The following AFG2A variants were observed in gnomAD, a reference collection of about 807,000 sequenced individuals.
The protein encoded by AFG2A is ATPase family gene 2 protein homolog A.
the AFG2A span, among the ~76,000 whole-genome samples, chr4:123,254,488 A>T: frequency 6.6e-6 from 1 of 152,124 alleles, no homozygotes; most frequent in Non-Finnish European, 1.5e-5. Flanking sequence ...ATAAGTTTTG[A>T]AGTCAAGTAG....
chr4:123,062,485 G>A, the AFG2A span, among the ~76,000 whole-genome samples: 1 of 151,726 alleles, frequency 6.6e-6, no homozygotes, highest in African/African-American at 2.4e-5. Context: ...CAGTATTTCT[G>A]TTAACATAGT....
the AFG2A span, among the ~76,000 whole-genome samples, chr4:123,113,814 G>A: frequency 6.6e-6 from 1 of 152,132 alleles, no homozygotes; most frequent in Non-Finnish European, 1.5e-5. Context: ...GCAAGACAAA[G>A]AGGAGCTTTA....
the AFG2A span, chr4:122,933,589 G>A: frequency 4.3e-6 from 4 of 919,712 alleles, no homozygotes; most frequent in Middle Eastern, 9.1e-4. Context: ...ATGCATAGTA[G>A]TTTTCTTCAA....
chr4:123,222,521 T>G, the AFG2A span, among the ~76,000 whole-genome samples: 5 of 152,208 alleles, frequency 3.3e-5, no homozygotes, highest in Admixed American at 3.3e-4. Context: ...GAAAATTTTT[T>G]TAGTTATGTT....
chr4:123,281,677 A>C, the AFG2A span, among the ~76,000 whole-genome samples: 1 of 152,226 alleles, frequency 6.6e-6, no homozygotes, highest in East Asian at 1.9e-4. Context: ...AAAACAGAAC[A>C]GAAACCACCA....
At chr4:123,031,609 T>C in the AFG2A span, among the ~76,000 whole-genome samples, 1 of 152,216 alleles carries the variant, frequency 6.6e-6, no homozygotes, top group Non-Finnish European at 1.5e-5. Context: ...ATTTTGAAAG[T>C]GATCAGAAAA....
chr4:123,193,653 A>G, the AFG2A span, among the ~76,000 whole-genome samples: 2 of 152,250 alleles, frequency 1.3e-5, no homozygotes, highest in Non-Finnish European at 2.9e-5. Context: ...ACTAGGTCAG[A>G]GTAAAAGCGA....
chr4:123,031,935 G>T, the AFG2A span, among the ~76,000 whole-genome samples: 2 of 152,090 alleles, frequency 1.3e-5, no homozygotes, highest in Admixed American at 6.5e-5. Context: ...GACATACTGT[G>T]TAAGTTTAGT....
chr4:123,252,796 C>G, the AFG2A span, among the ~76,000 whole-genome samples: 1 of 152,194 alleles, frequency 6.6e-6, no homozygotes, highest in Non-Finnish European at 1.5e-5. Context: ...CCCTCTTCCT[C>G]AGGTTGCAGT....
chr4:123,097,786 C>T, the AFG2A span, among the ~76,000 whole-genome samples: 1 of 152,092 alleles, frequency 6.6e-6, no homozygotes, highest in Admixed American at 6.6e-5. Context: ...TACTTCATTT[C>T]GATGTTCATA....
At chr4:122,952,308 C>T in the AFG2A span, among the ~76,000 whole-genome samples, 1 of 152,128 alleles carries the variant, frequency 6.6e-6, no homozygotes, top group Non-Finnish European at 1.5e-5. Context: ...TGTCTCTGCA[C>T]CTGAACTCAC....
the AFG2A span, among the ~76,000 whole-genome samples, chr4:123,303,584 G>A: frequency 6.6e-6 from 1 of 152,032 alleles, no homozygotes; most frequent in Non-Finnish European, 1.5e-5. Flanking sequence ...GGACAACATG[G>A]TAAGACTTCA....
the AFG2A span, among the ~76,000 whole-genome samples, chr4:123,189,809 C>CTTTTTTTTTTTTTTTT: frequency 4.9e-5 from 3 of 61,768 alleles, 1 homozygote; most frequent in African/African-American, 1.3e-4. Context: ...AGGTCATTTG[C>CTTTTTTTTTTTTTTTT]TTTTTTTTTT....
chr4:123,267,392 CT>C, the AFG2A span, among the ~76,000 whole-genome samples: 6 of 151,874 alleles, frequency 4.0e-5, no homozygotes, highest in Admixed American at 3.9e-4. Flanking sequence ...ATGGGTTTTG[CT>C]TTTATATTTA....
chr4:123,295,196 A>G, the AFG2A span, among the ~76,000 whole-genome samples: 2 of 152,224 alleles, frequency 1.3e-5, no homozygotes, highest in Non-Finnish European at 2.9e-5. Flanking sequence ...TCAGTTCGAT[A>G]GCATGAAGCC....
At chr4:123,095,051 A>ATATATG in the AFG2A span, among the ~76,000 whole-genome samples, 6,266 of 54,182 alleles carry the variant, frequency 0.12, 248 homozygotes, top group Non-Finnish European at 0.23. Context: ...AAATATATAT[A>ATATATG]TATATATATA....
At chr4:123,027,024 G>C in the AFG2A span, among the ~76,000 whole-genome samples, 5 of 151,940 alleles carry the variant, frequency 3.3e-5, no homozygotes, top group African/African-American at 4.8e-5. Flanking sequence ...AGTTTTTCCT[G>C]TTTCTTTTTC....
the AFG2A span, among the ~76,000 whole-genome samples, chr4:123,178,560 C>T: frequency 6.6e-6 from 1 of 152,112 alleles, no homozygotes; most frequent in African/African-American, 2.4e-5. Context: ...AAATCACTCC[C>T]ATTGTTTCTT....
the AFG2A span, among the ~76,000 whole-genome samples, chr4:123,180,031 C>A: frequency 2.8e-4 from 43 of 152,086 alleles, 1 homozygote; most frequent in South Asian, 1.5e-3. Flanking sequence ...ACCAGCCTGG[C>A]CAACCTGGTG....
Sources: allele counts gnomAD v4.1 joint callset (sites outside exome capture counted in the v4.1 genomes callset), GRCh38; gene constraint gnomAD v4.1.1; transcripts MANE v1.5; gene names NCBI Gene and HGNC (gene_info 2026-07-23, HGNC 2026-07-21).